The following BRINP1 variants were observed in gnomAD, a reference collection of about 807,000 sequenced individuals.
The protein encoded by BRINP1 is BMP/retinoic acid-inducible neural-specific protein 1.
A neutral mutation model predicts 72.9 loss-of-function variants in BRINP1; 17 were observed. The observed-to-expected ratio is 0.23, with a 90% CI of 0.16 to 0.35. BRINP1 has a LOEUF of 0.35. Ranked by LOEUF, BRINP1 falls within the 10% of genes least tolerant of loss-of-function variation. BRINP1 has a pLI of 1.00. For missense variants in BRINP1, 850 were observed against 1,001.6 expected (o/e 0.85, Z 2.04); for synonymous variants, 418 against 378.5 (o/e 1.10, Z -1.21).
At chr9:119,325,793 C>G (rs1439331127) in intron 1 of BRINP1, among the ~76,000 whole-genome samples, 1 of 152,176 alleles carries the variant, frequency 6.6e-6, no homozygotes, top group Non-Finnish European at 1.5e-5. Context: ...ACCCCTTAGT[C>G]TTGCCTTCAA....
chr9:119,359,090 T>C (rs557803406), intron 1 of BRINP1, among the ~76,000 whole-genome samples: 1 of 152,370 alleles, frequency 6.6e-6, no homozygotes, highest in East Asian at 1.9e-4. Flanking sequence ...TAAAAGGCAG[T>C]AACAGTTAAT....
At chr9:119,265,638 G>A (rs1433917450) in intron 2 of BRINP1, among the ~76,000 whole-genome samples, 1 of 151,932 alleles carries the variant, frequency 6.6e-6, no homozygotes, top group African/African-American at 2.4e-5. Flanking sequence ...CAAAAAATCA[G>A]TCCTCAAATC....
At chr9:119,357,711 A>G (rs1831583407) in intron 1 of BRINP1, among the ~76,000 whole-genome samples, 1 of 152,196 alleles carries the variant, frequency 6.6e-6, no homozygotes, top group Non-Finnish European at 1.5e-5. Context: ...CACCATTTAT[A>G]ACATCTCCTG....
intron 7 of BRINP1, among the ~76,000 whole-genome samples, chr9:119,172,928 A>G (rs1829434026): frequency 6.6e-6 from 1 of 151,004 alleles, no homozygotes; most frequent in Non-Finnish European, 1.5e-5. Context: ...ACAAAATTCA[A>G]CCACCCTTCA....
chr9:119,262,509 G>A (rs956493918), intron 2 of BRINP1, among the ~76,000 whole-genome samples: 6 of 152,044 alleles, frequency 3.9e-5, no homozygotes, highest in East Asian at 3.9e-4. Context: ...TGCCGGGCGC[G>A]GTGGTGGATG....
chr9:119,338,715 A>AC (rs1258583387), intron 1 of BRINP1, among the ~76,000 whole-genome samples: 47 of 129,480 alleles, frequency 3.6e-4, no homozygotes, highest in Middle Eastern at 7.5e-3. Context: ...TACTAAAAAT[A>AC]CAAAAAAAAA....
chr9:119,176,657 T>C (rs1030950391), intron 7 of BRINP1, among the ~76,000 whole-genome samples: 3 of 152,138 alleles, frequency 2.0e-5, no homozygotes, highest in African/African-American at 4.8e-5. Context: ...TTTAAAGTGC[T>C]TAAAAGAGCC....
rs1296132601 is a variant in BRINP1, at chr9:119,368,917, G to A, written c.-51+139C>T. 6 of 367,818 alleles carry A rather than the reference G, an allele frequency of 1.6e-5. No individual in the cohort carries two copies. The allele number at this position is 367,818 out of a possible 1,614,324, so 22.8% of individuals were successfully genotyped here. A position where few individuals can be genotyped will look rare whatever the true frequency, so the allele number is the denominator to read the frequency against. ...CTAGAACTGGAGAAGACTTGGAGGC[G>A]GCGGGGCGGCCAGGTGAAGAGCGGA... On this transcript the variant is annotated intron_variant, in intron 1 of 7. Coordinates refer to ENST00000265922, the MANE Select transcript of BRINP1 (RefSeq NM_014618.3). The surrounding 1 kb of genome is among the most constrained non-coding windows in gnomAD (Gnocchi z 4.7).
chr9:119,219,959 C>T (rs1379981895), intron 5 of BRINP1, among the ~76,000 whole-genome samples: 1 of 152,102 alleles, frequency 6.6e-6, no homozygotes, highest in Non-Finnish European at 1.5e-5. Flanking sequence ...GAACTCCTTC[C>T]AGCTGAGAAT....
chr9:119,186,892 G>A (rs1263232497), intron 7 of BRINP1, among the ~76,000 whole-genome samples: 1 of 152,120 alleles, frequency 6.6e-6, no homozygotes, highest in East Asian at 1.9e-4. Context: ...CCAGGGTCCA[G>A]AGTCACCACT....
rs1829887386 is a variant in BRINP1 at position 119,208,839 on chromosome 9, T to C, written c.1025A>G (p.Tyr342Cys). The change falls in exon 7 of 8, where the codon TAC becomes TGC. Residue 342 changes from tyrosine (Y) to cysteine (C), a missense_variant. By Grantham distance (194) the Tyr-to-Cys change is radical (BLOSUM62 -2). Transcript: ENST00000265922. ...WGNDWDLQNR[Y>C]KLLQSATEAQ... ...CTCCGTGGCACTCTGCAGGAGCTTG[T>C]AGCGGTTCTGCAGGTCCCAGTCATT... is the stretch of plus-strand genomic sequence containing the variant. 6.2e-7 allele frequency: 1 copy of C among 1,614,164 alleles called. No individual in the cohort carries two copies.
intron 7 of BRINP1, among the ~76,000 whole-genome samples, chr9:119,169,439 G>T (rs917879063): frequency 6.6e-6 from 1 of 152,112 alleles, no homozygotes; most frequent in South Asian, 2.1e-4. Context: ...AAAAAACGGC[G>T]CACCGCGAGA....
At chr9:119,302,451 A>T (rs566571679) in intron 2 of BRINP1, among the ~76,000 whole-genome samples, 2 of 152,314 alleles carry the variant, frequency 1.3e-5, no homozygotes, top group African/African-American at 4.8e-5. Context: ...AATTGTTTGG[A>T]TCTAACTACT....
chr9:119,170,524 T>G (rs1461732369), intron 7 of BRINP1, among the ~76,000 whole-genome samples: 2 of 152,040 alleles, frequency 1.3e-5, no homozygotes, highest in Non-Finnish European at 2.9e-5. Context: ...CTGAAAGTGA[T>G]GGGGAGAATG....
intron 7 of BRINP1, among the ~76,000 whole-genome samples, chr9:119,169,024 T>A (rs1829364067): frequency 6.6e-6 from 1 of 152,174 alleles, no homozygotes; most frequent in African/African-American, 2.4e-5. Flanking sequence ...TATAAAGACA[T>A]GTACACGATG....
chr9:119,254,075 T>C (rs1830421558), intron 2 of BRINP1, among the ~76,000 whole-genome samples: 1 of 152,190 alleles, frequency 6.6e-6, no homozygotes, highest in Admixed American at 6.5e-5. Flanking sequence ...GAGCTAGATT[T>C]AAACAACATT....
Position 119,331,966 on chromosome 9 carries a change from T to C in BRINP1, c.-50-18561A>G, listed in dbSNP as rs538088868. On this transcript the variant is annotated intron_variant, in intron 1 of 7. Transcript: ENST00000265922. ...TTATACACTAAAGGGTAAAAGCCAC[T>C]ATCTGAGCTGGGGAGGAAGATCAGC... Among the ~76,000 whole-genome samples, 7 of 152,340 alleles carry C rather than the reference T, an allele frequency of 4.6e-5. No homozygotes were observed. The South Asian group carries it at 1.4e-3, about 32-fold the overall frequency.
intron 7 of BRINP1, among the ~76,000 whole-genome samples, chr9:119,190,558 T>C (rs1829673393): frequency 6.6e-6 from 1 of 151,684 alleles, no homozygotes; most frequent in Non-Finnish European, 1.5e-5. Flanking sequence ...CTGGAGGAAA[T>C]GGATAAATTC....
chr9:119,172,172 CAAAAAGTT>C (rs1829420550), intron 7 of BRINP1, among the ~76,000 whole-genome samples: 2 of 151,954 alleles, frequency 1.3e-5, no homozygotes, highest in Admixed American at 1.3e-4. Context: ...AAAAACCCAT[CAAAAAGTT>C]AATGAATCCA....
Sources: allele counts gnomAD v4.1 joint callset (sites outside exome capture counted in the v4.1 genomes callset), GRCh38; gene constraint gnomAD v4.1.1; non-coding constraint Gnocchi (gnomAD v3.1); transcripts MANE v1.5; gene names NCBI Gene and HGNC (gene_info 2026-07-23, HGNC 2026-07-21).